The following ACTR6 variants were observed in gnomAD, a reference collection of about 807,000 sequenced individuals.
ACTR6 encodes actin related protein 6.
A neutral mutation model predicts 52.5 loss-of-function variants in ACTR6; 50 were observed. The observed-to-expected ratio is 0.95, with a 90% CI of 0.76 to 1.20. The LOEUF is 1.20. ACTR6 is among the 50% of genes most tolerant of loss of function. ACTR6 has a pLI of 0.00. For synonymous variants in ACTR6, 135 were observed against 147.2 expected, an observed-to-expected ratio of 0.92 and a Z score of 0.60; for missense variants, 344 against 472.4, an observed-to-expected ratio of 0.73 and a Z score of 2.52.
At chr12:100,202,088 C>T (rs1592829307) in intron 1 of ACTR6, among the ~76,000 whole-genome samples, 1 of 152,078 alleles carries the variant, frequency 6.6e-6, no homozygotes, top group African/African-American at 2.4e-5. Context: ...CGCACCACCA[C>T]GCCTGGCTAA....
At chr12:100,216,923 A>G (rs1218684530) in intron 8 of ACTR6, among the ~76,000 whole-genome samples, 2 of 151,450 alleles carry the variant, frequency 1.3e-5, no homozygotes, top group Non-Finnish European at 2.9e-5. Flanking sequence ...TTTTCAGGAT[A>G]TTTTTTATTT....
intron 10 of ACTR6, chr12:100,221,576 ATG>A (rs1175379073): frequency 5.3e-5 from 8 of 152,086 alleles, no homozygotes; most frequent in Non-Finnish European, 1.5e-5. Context: ...GTATAAATAT[ATG>A]TGTATACTTA....
intron 2 of ACTR6, 105 bp downstream of exon 2, chr12:100,205,162 C>G: frequency 1.6e-6 from 1 of 627,926 alleles, no homozygotes; most frequent in Admixed American, 3.4e-5. Context: ...TTAACTACAA[C>G]CTAATTAAAC....
At position 100,218,466 on chromosome 12, in the gene ACTR6, C is replaced by A; in HGVS notation, c.802C>A (p.Leu268Ile). The change falls in exon 9 of 11, where the codon CTT (leucine) becomes ATT (isoleucine). Residue 268 changes from leucine (L) to isoleucine (I), a missense_variant. Coordinates refer to ENST00000188312, the MANE Select transcript of ACTR6 (RefSeq NM_022496.5). This position sits in a 1 kb window ranked among gnomAD's most constrained non-coding sequence, Gnocchi z 4.2. ...AAAATACAAATCTGGGGAACAAATT[C>A]TTCGTTTGGCCAATGAGAGATTTGC... is the stretch of plus-strand genomic sequence containing the variant. ...SGKYKSGEQI[L>I]RLANERFAVP... 1 of 1,609,588 alleles carries A rather than the reference C, an allele frequency of 6.2e-7. No homozygotes were observed. The highest frequency in any genetic ancestry group is 8.5e-7 in the Non-Finnish European group (1 of 1,178,062).
intron 3 of ACTR6, chr12:100,206,234 T>C (rs1400518659): frequency 1.3e-5 from 2 of 152,234 alleles, no homozygotes; most frequent in Non-Finnish European, 2.9e-5. Context: ...ATCCCAGCAC[T>C]TTGGGAGGCT....
chr12:100,205,168 TAAACCCAAA>T, intron 2 of ACTR6, 111 bp downstream of exon 2: 2 of 511,480 alleles, frequency 3.9e-6, no homozygotes, highest in Non-Finnish European at 6.5e-6. Flanking sequence ...ACAACCTAAT[TAAACCCAAA>T]TTAAAATTTA....
chr12:100,204,481 C>T (rs2096112818), intron 1 of ACTR6, among the ~76,000 whole-genome samples: 1 of 152,200 alleles, frequency 6.6e-6, no homozygotes, highest in Non-Finnish European at 1.5e-5. Flanking sequence ...ATGCCTCAGC[C>T]TCCTTAGTGG....
chr12:100,214,896 C>G (rs1171965045), intron 8 of ACTR6, among the ~76,000 whole-genome samples: 2 of 152,148 alleles, frequency 1.3e-5, no homozygotes, highest in Non-Finnish European at 2.9e-5. Flanking sequence ...GGCTAAGATA[C>G]GGAAGGTGTA....
At chr12:100,220,988 A>AAAAC (rs967408659) in intron 10 of ACTR6, among the ~76,000 whole-genome samples, 2 of 151,426 alleles carry the variant, frequency 1.3e-5, no homozygotes, top group African/African-American at 4.9e-5. Context: ...CTCTGTCTCA[A>AAAAC]AAACAAACAA....
chr12:100,214,799 G>A (rs1262670074), intron 8 of ACTR6, among the ~76,000 whole-genome samples: 3 of 152,128 alleles, frequency 2.0e-5, no homozygotes, highest in African/African-American at 4.8e-5. Context: ...ACCTAGGCTG[G>A]CTTTCAGAAA....
In ACTR6 at chr12:100,210,367, G is replaced by T; in HGVS notation, c.572+16G>T. On this transcript the variant is annotated intron_variant, in intron 6 of 10. Transcript: ENST00000188312. ...TATCTTACAGGTGATGCTTAGCTTT[G>T]ATTCTTTGGGAGGATGGGGCTCTGG... The T allele has an allele frequency of 1.9e-6, 3 of 1,611,630 alleles. No homozygotes were observed. The South Asian group carries it at 3.3e-5, about 18-fold the overall frequency.
chr12:100,219,959 G>C, intron 9 of ACTR6, 49 bp from the exon 10 acceptor site: 1 of 1,594,750 alleles, frequency 6.3e-7, no homozygotes, highest in East Asian at 2.2e-5. Context: ...AAAGTAAACA[G>C]ATTTTCTAAT....
At chr12:100,207,245 T>A (rs188085271) in intron 3 of ACTR6, among the ~76,000 whole-genome samples, 3 of 152,082 alleles carry the variant, frequency 2.0e-5, no homozygotes, top group East Asian at 1.9e-4. Context: ...TATTATTATT[T>A]TTTTAGTAGA....
At chr12:100,216,762 T>C (rs900273614) in intron 8 of ACTR6, among the ~76,000 whole-genome samples, 3 of 152,200 alleles carry the variant, frequency 2.0e-5, no homozygotes, top group Non-Finnish European at 2.9e-5. Context: ...TCCATTCTGC[T>C]TGAGAAGGAA....
intron 8 of ACTR6, among the ~76,000 whole-genome samples, chr12:100,214,713 G>A (rs2153900622): frequency 6.6e-6 from 1 of 152,172 alleles, no homozygotes; most frequent in Non-Finnish European, 1.5e-5. Flanking sequence ...CCAGAGCTGG[G>A]CAACAGAGCC....
chr12:100,224,075 T>TA lies in ACTR6; in HGVS notation c.*161dup. Reference sequence around the variant, plus strand: ...ATTTTCAAAGGCTTCTTAGGTAGGTTACTACAGTAAACTGTAACTCAGTCC... The same window carrying TA: ...ATTTTCAAAGGCTTCTTAGGTAGGTTAACTACAGTAAACTGTAACTCAGTCC... On this transcript the variant is annotated 3_prime_UTR_variant, in exon 11 of 11. Coordinates refer to ENST00000188312, the MANE Select transcript of ACTR6 (RefSeq NM_022496.5). The TA allele has an allele frequency of 1.4e-6, 1 of 712,508 alleles. No homozygotes were observed. The highest frequency in any genetic ancestry group is 2.1e-6 in the Non-Finnish European group (1 of 467,796). The allele number at this position is 712,508 out of a possible 1,614,324, so 44.1% of individuals were successfully genotyped here. A position where few individuals can be genotyped will look rare whatever the true frequency, so the allele number is the denominator to read the frequency against.
intron 2 of ACTR6, 35 bp from the exon 3 acceptor site, chr12:100,205,641 T>C: frequency 8.2e-7 from 1 of 1,224,884 alleles, no homozygotes; most frequent in Non-Finnish European, 1.1e-6. Context: ...TATTCAAATG[T>C]TCTTGATAAT....
rs1017197986 is a variant in ACTR6, at chr12:100,207,909, C to T, written c.379+123C>T. 6.4e-6 allele frequency: 7 copies of T among 1,100,376 alleles called. No homozygotes were observed. The Admixed American group carries it at 1.3e-4, about 21-fold the overall frequency. 68.2% of individuals were successfully genotyped at this position (1,100,376 alleles called of 1,614,324 possible). A position where few individuals can be genotyped will look rare whatever the true frequency, so the allele number is the denominator to read the frequency against. ...AGCACAGTGGCTAACACCTGTAACC[C>T]CATCAGTTTGGGAGGCTGAGGCGAG... On this transcript the variant is annotated intron_variant, in intron 4 of 10. Coordinates refer to ENST00000188312, the MANE Select transcript of ACTR6 (RefSeq NM_022496.5).
intron 10 of ACTR6, among the ~76,000 whole-genome samples, chr12:100,223,255 C>T (rs935484799): frequency 1.3e-5 from 2 of 151,874 alleles, no homozygotes; most frequent in Non-Finnish European, 2.9e-5. Context: ...GCAGGAGAAA[C>T]GTTTGAACCT....
Sources: gnomAD v4.1 joint callset for allele counts (sites outside exome capture counted in the v4.1 genomes callset) on GRCh38, gnomAD v4.1.1 for gene constraint, Gnocchi (gnomAD v3.1) non-coding constraint, MANE v1.5 for transcripts, NCBI Gene and HGNC (gene_info 2026-07-23, HGNC 2026-07-21) for gene names.